Variants in CSMD1 observed in about 807,000 individuals in gnomAD.
CSMD1 encodes CUB and Sushi multiple domains 1, also known as CUB and sushi domain-containing protein 1.
A neutral mutation model predicts 417.5 loss-of-function variants in CSMD1; 213 were observed. The observed-to-expected ratio is 0.51, with a 90% CI of 0.46 to 0.57. The LOEUF (loss-of-function observed/expected upper bound fraction) is 0.57. Ranked by LOEUF, CSMD1 falls within the 20% of genes least tolerant of loss-of-function variation. The pLI is 0.00. For missense variants in CSMD1, 6,923 were observed against 4,529.7 expected, an observed-to-expected ratio of 1.53 and a Z score of -15.17; for synonymous variants, 2,862 against 1,736.8, an observed-to-expected ratio of 1.65 and a Z score of -16.11.
chr8:3,049,942 G>T (rs191217418), intron 50 of CSMD1, among the ~76,000 whole-genome samples: 1 of 151,982 alleles, frequency 6.6e-6, no homozygotes, highest in Non-Finnish European at 1.5e-5. Flanking sequence ...CGAGAACAAC[G>T]TCTGTCAAAC....
At chr8:3,308,987 G>T (rs138593007) in intron 23 of CSMD1, among the ~76,000 whole-genome samples, 1 of 152,082 alleles carries the variant, frequency 6.6e-6, no homozygotes, top group South Asian at 2.1e-4. Flanking sequence ...GCCTCCCAAA[G>T]TGCTGGGATT....
chr8:4,447,745 T>G (rs1190379739), intron 2 of CSMD1, among the ~76,000 whole-genome samples: 1 of 152,156 alleles, frequency 6.6e-6, no homozygotes, highest in Non-Finnish European at 1.5e-5. Context: ...AATTAAGATT[T>G]AAGACTCTTT....
intron 1 of CSMD1, among the ~76,000 whole-genome samples, chr8:4,720,606 AG>A (rs1402437745): frequency 1.2e-4 from 19 of 152,248 alleles, no homozygotes; most frequent in Middle Eastern, 6.8e-3. Context: ...AAATAGAGAC[AG>A]GGTTTCACCA....
chr8:4,568,313 G>A (rs566225066), intron 2 of CSMD1, among the ~76,000 whole-genome samples: 2 of 151,938 alleles, frequency 1.3e-5, no homozygotes, highest in African/African-American at 2.4e-5. Flanking sequence ...CGTCTATGAT[G>A]TGTCCCTGTG....
chr8:3,177,572 A>G (rs189269703), intron 37 of CSMD1, among the ~76,000 whole-genome samples: 7 of 152,332 alleles, frequency 4.6e-5, no homozygotes, highest in East Asian at 1.9e-4. Context: ...TTCTTCCCTA[A>G]TAAGCCCATA....
chr8:3,680,291 A>G (rs1799582408), intron 7 of CSMD1, among the ~76,000 whole-genome samples: 1 of 152,152 alleles, frequency 6.6e-6, no homozygotes, highest in Non-Finnish European at 1.5e-5. Flanking sequence ...GACCACTAGC[A>G]AGACTAATAA....
chr8:3,106,559 C>T lies in CSMD1; in HGVS notation c.6918G>A (p.Leu2306=). ...ATGTTGGGAGAGAACCCTCAAACTG[C>T]AACTGGGAACTGAGCTTGCAAGTCA... The part of the protein sequence containing the change: ...DILTCKLSSQ[L]QFEGSLPTCE... The change falls in exon 46 of 70, where the codon TTG becomes TTA. Residue 2306 remains leucine, a synonymous_variant. Transcript: ENST00000635120. 6.2e-7 allele frequency: 1 copy of T among 1,613,738 alleles called. No homozygotes were observed. Among genetic ancestry groups the T allele is most frequent in the Non-Finnish European group, 8.5e-7 (1 of 1,179,736 alleles).
chr8:4,734,453 G>A (rs1329060242), intron 1 of CSMD1, among the ~76,000 whole-genome samples: 2 of 152,084 alleles, frequency 1.3e-5, no homozygotes, highest in Admixed American at 1.3e-4. Context: ...TAGGAATTCT[G>A]TGACTAATAA....
At chr8:3,939,979 C>A (rs1278281164) in intron 5 of CSMD1, among the ~76,000 whole-genome samples, 1 of 151,780 alleles carries the variant, frequency 6.6e-6, no homozygotes, top group Non-Finnish European at 1.5e-5. Flanking sequence ...CCCATGTAAC[C>A]AAAAACCACC....
At chr8:3,839,373 CTAG>C (rs1802948021) in intron 5 of CSMD1, among the ~76,000 whole-genome samples, 1 of 66,540 alleles carries the variant, frequency 1.5e-5, no homozygotes, top group South Asian at 4.1e-4. Flanking sequence ...TATACTCTCT[CTAG>C]ATATACAGTC....
intron 37 of CSMD1, among the ~76,000 whole-genome samples, chr8:3,163,822 C>T (rs746011741): frequency 1.6e-4 from 25 of 152,268 alleles, no homozygotes; most frequent in Non-Finnish European, 3.2e-4. Context: ...ATTATACTAA[C>T]TCCAGTCCCC....
At chr8:4,538,316 C>G (rs914365647) in intron 2 of CSMD1, among the ~76,000 whole-genome samples, 9 of 151,812 alleles carry the variant, frequency 5.9e-5, no homozygotes, top group Admixed American at 2.6e-4. Flanking sequence ...TATAACTTCT[C>G]CAGAGTTCAT....
chr8:4,177,180 G>T (rs569551242), intron 3 of CSMD1, among the ~76,000 whole-genome samples: 3 of 152,144 alleles, frequency 2.0e-5, no homozygotes, highest in Non-Finnish European at 4.4e-5. Flanking sequence ...ATAGCTGGAA[G>T]TAAAGCTCTC....
chr8:4,312,424 C>CCT (rs1798673661), intron 3 of CSMD1, among the ~76,000 whole-genome samples: 1 of 102,696 alleles, frequency 9.7e-6, no homozygotes, highest in Non-Finnish European at 1.7e-5. Flanking sequence ...TATATATGCG[C>CCT]GTATATATAT....
intron 36 of CSMD1, among the ~76,000 whole-genome samples, chr8:3,184,533 A>T (rs1028896138): frequency 2.0e-5 from 3 of 152,220 alleles, no homozygotes; most frequent in Admixed American, 2.0e-4. Flanking sequence ...ATAGCCATCA[A>T]CTGAGCTTCA....
chr8:4,432,242 G>A (rs934180128), intron 2 of CSMD1, among the ~76,000 whole-genome samples: 6 of 152,174 alleles, frequency 3.9e-5, no homozygotes, highest in Non-Finnish European at 7.4e-5. Flanking sequence ...TGAGAAAACA[G>A]TAAACTCACA....
At chr8:4,496,033 C>G (rs555833984) in intron 2 of CSMD1, among the ~76,000 whole-genome samples, 28 of 152,236 alleles carry the variant, frequency 1.8e-4, no homozygotes, top group African/African-American at 6.7e-4. Context: ...TTAATGTGGT[C>G]TTAATTGGCA....
Position 3,157,982 on chromosome 8 carries a change from C to G in CSMD1, c.5845-16G>C, listed in dbSNP as rs1213921535. The G allele has an allele frequency of 5.8e-6, 9 of 1,547,734 alleles. No individual in the cohort carries two copies. In the East Asian group the frequency reaches 2.0e-4, roughly 34 times the overall value. On this transcript the variant is annotated splice_polypyrimidine_tract_variant and intron_variant, in intron 38 of 69. Transcript: ENST00000635120. ...GGGAACGGCCCTGTTTAAAAGAAAA[C>G]AAAAGAAAATACATATAACTAAAAA...
rs1800149870 is a variant in CSMD1 at position 3,249,998 on chromosome 8, G to T, written c.4154-19767C>A. On this transcript the variant is annotated intron_variant, in intron 26 of 69. Coordinates refer to ENST00000635120, the MANE Select transcript of CSMD1 (RefSeq NM_033225.6). ...TAGTGAACAGTATTTCAAAAATGTA[G>T]GTTATTATAAAAGGTAGCATGGTAT... Among the ~76,000 whole-genome samples, 2 of 152,140 alleles carry T rather than the reference G, an allele frequency of 1.3e-5. 1 individual carries two copies. Among genetic ancestry groups the T allele is most frequent in the South Asian group, 4.1e-4 (2 of 4,834 alleles).
Sources: allele counts gnomAD v4.1 joint callset (sites outside exome capture counted in the v4.1 genomes callset), GRCh38; gene constraint gnomAD v4.1.1; transcripts MANE v1.5; gene names NCBI Gene and HGNC (gene_info 2026-07-23, HGNC 2026-07-21).